RAPGEF4: variants seen among roughly 807,000 people sequenced by gnomAD.
RAPGEF4 encodes the protein Rap guanine nucleotide exchange factor 4.
In RAPGEF4, 66 loss-of-function variants were observed where a neutral mutation model predicts 147.9. The observed-to-expected ratio is 0.45, with a 90% confidence interval of 0.37 to 0.55. The LOEUF (loss-of-function observed/expected upper bound fraction) is 0.55. Among genes scored for constraint, RAPGEF4 ranks in the 20% least tolerant of loss-of-function variants. RAPGEF4 has a pLI of 0.00. For missense variants in RAPGEF4, 1,071 were observed against 1,257.3 expected (o/e 0.85, Z 2.24); for synonymous variants, 419 against 442.7 (o/e 0.95, Z 0.67).
intron 4 of RAPGEF4, among the ~76,000 whole-genome samples, chr2:172,879,476 C>T (rs1284081731): frequency 2.0e-5 from 3 of 152,020 alleles, no homozygotes; most frequent in Non-Finnish European, 4.4e-5. Flanking sequence ...AGTGACGAAG[C>T]GGGACTTTTA....
At chr2:172,918,856 T>G (rs910754510) in intron 5 of RAPGEF4, among the ~76,000 whole-genome samples, 1 of 152,132 alleles carries the variant, frequency 6.6e-6, no homozygotes, top group South Asian at 2.1e-4. Flanking sequence ...ACCCTTCAGA[T>G]CCTCTTCCTG....
At chr2:173,037,903 G>T (rs1684260681) in intron 29 of RAPGEF4, among the ~76,000 whole-genome samples, 1 of 152,122 alleles carries the variant, frequency 6.6e-6, no homozygotes, top group South Asian at 2.1e-4. Context: ...TGTTATTCTA[G>T]TTGTTTCTTG....
chr2:172,980,527 A>G (rs1691566392), intron 10 of RAPGEF4, among the ~76,000 whole-genome samples: 1 of 152,194 alleles, frequency 6.6e-6, no homozygotes, highest in African/African-American at 2.4e-5. Context: ...GAAGGGAGCC[A>G]AGGGGGAGGA....
chr2:172,985,677 T>C (rs1457231975), intron 12 of RAPGEF4, among the ~76,000 whole-genome samples, 184 bp downstream of exon 12: 1 of 152,162 alleles, frequency 6.6e-6, no homozygotes, highest in Non-Finnish European at 1.5e-5. Context: ...TGTCAATTAT[T>C]CTGAAGTATC....
chr2:172,797,420 G>A (rs1326011283), intron 2 of RAPGEF4, 105 bp from the exon 3 acceptor site: 2 of 816,768 alleles, frequency 2.4e-6, no homozygotes, highest in East Asian at 2.7e-5. Flanking sequence ...AGGGTGGTAA[G>A]CTCAGTTAGG....
Position 172,962,645 on chromosome 2 carries a change from T to C in RAPGEF4, c.698+1417T>C, listed in dbSNP as rs566226308. ...GCATGAATATGTTAGAAGACCAAAA[T>C]TGACAGTGTATTACATTTAGATTGG... On this transcript the variant is annotated intron_variant, in intron 8 of 30. Transcript: ENST00000397081. 1.4e-3 allele frequency among the ~76,000 whole-genome samples: 212 copies of C among 152,172 alleles called. 1 individual carries two copies. Among genetic ancestry groups the C allele is most frequent in the Middle Eastern group, 6.8e-3 (2 of 294 alleles).
intron 3 of RAPGEF4, among the ~76,000 whole-genome samples, chr2:172,813,930 A>G (rs1688257207): frequency 6.6e-6 from 1 of 152,230 alleles, no homozygotes; most frequent in Non-Finnish European, 1.5e-5. Context: ...TGAATCTTAC[A>G]GACATTATGT....
chr2:173,011,170 G>GCGCGCGCAAACACACACACA (rs564434178), intron 17 of RAPGEF4, among the ~76,000 whole-genome samples: 1 of 133,500 alleles, frequency 7.5e-6, no homozygotes, highest in African/African-American at 2.9e-5. Flanking sequence ...GCGCGCGCGC[G>GCGCGCGCAAACACACACACA]CACACACACA....
intron 4 of RAPGEF4, among the ~76,000 whole-genome samples, chr2:172,890,862 G>T (rs890474072): frequency 2.0e-5 from 3 of 152,346 alleles, no homozygotes; most frequent in African/African-American, 7.2e-5. Flanking sequence ...AGGTGTGGTG[G>T]CTCACGCCTG....
chr2:173,024,250 C>T (rs1041886673), intron 23 of RAPGEF4, among the ~76,000 whole-genome samples: 1 of 135,384 alleles, frequency 7.4e-6, no homozygotes, highest in Admixed American at 7.9e-5. Flanking sequence ...CGGAGTCTCG[C>T]TCTGTCGCCC....
At chr2:173,044,337 G>A (rs1161224528) in intron 29 of RAPGEF4, among the ~76,000 whole-genome samples, 1 of 152,110 alleles carries the variant, frequency 6.6e-6, no homozygotes, top group Admixed American at 6.5e-5. Context: ...AGCTGGTTTG[G>A]GCTGGTTTCT....
At chr2:172,772,041 C>A (rs1054309834) in intron 1 of RAPGEF4, among the ~76,000 whole-genome samples, 1 of 152,102 alleles carries the variant, frequency 6.6e-6, no homozygotes, top group Non-Finnish European at 1.5e-5. Context: ...GAGTTTGAGA[C>A]CAGCTTGGGA....
chr2:172,918,715 C>T (rs1441487027), intron 5 of RAPGEF4, among the ~76,000 whole-genome samples: 1 of 152,096 alleles, frequency 6.6e-6, no homozygotes, highest in Non-Finnish European at 1.5e-5. Flanking sequence ...CTGTGAGTCT[C>T]CTTATGAAGC....
intron 4 of RAPGEF4, among the ~76,000 whole-genome samples, chr2:172,857,683 A>C (rs780115213): frequency 2.0e-5 from 3 of 152,000 alleles, no homozygotes; most frequent in Non-Finnish European, 4.4e-5. Flanking sequence ...GGAGTTTGAG[A>C]CCAGCCTGCG....
intron 5 of RAPGEF4, among the ~76,000 whole-genome samples, chr2:172,919,386 G>C (rs1684464797): frequency 6.6e-6 from 1 of 152,060 alleles, no homozygotes; most frequent in African/African-American, 2.4e-5. Flanking sequence ...AAAGTTACCA[G>C]TGACCAACCA....
chr2:172,793,447 A>G (rs1454601238), intron 1 of RAPGEF4, among the ~76,000 whole-genome samples: 1 of 152,164 alleles, frequency 6.6e-6, no homozygotes, highest in Admixed American at 6.5e-5. Context: ...AATATATGCT[A>G]GTTTTGTTCT....
rs946045859 is a variant in RAPGEF4 at position 172,960,799 on chromosome 2, A to G, written c.577A>G (p.Asn193Asp). ...ACCTCACGTTCCTCTTCGTCCTGCT[A>G]ACACCATTACCAAGGTAATGGGATG... ...IEPHVPLRPA[N>D]TITKVPSEKI... Residue 193 changes from asparagine (N) to aspartate (D), a missense_variant, in exon 7 of 31, where the codon AAC becomes GAC. Asn to Asp is a conservative substitution (Grantham distance 23). Transcript: ENST00000397081. 1 of 1,607,460 alleles carries G rather than the reference A, an allele frequency of 6.2e-7. No homozygotes were observed. Among genetic ancestry groups the G allele is most frequent in the Non-Finnish European group, 8.5e-7 (1 of 1,176,582 alleles).
intron 4 of RAPGEF4, among the ~76,000 whole-genome samples, chr2:172,874,614 A>G (rs1449924257): frequency 6.6e-6 from 1 of 152,162 alleles, no homozygotes; most frequent in East Asian, 1.9e-4. Context: ...TCCATGGTGT[A>G]TATGTGCCAC....
chr2:172,834,073 T>C (rs1052360722), intron 4 of RAPGEF4, among the ~76,000 whole-genome samples: 2 of 152,148 alleles, frequency 1.3e-5, no homozygotes, highest in East Asian at 1.9e-4. Context: ...CCTTATCTAT[T>C]TGGGGGAAAC....
Sources: allele counts gnomAD v4.1 joint callset (sites outside exome capture counted in the v4.1 genomes callset), GRCh38; gene constraint gnomAD v4.1.1; transcripts MANE v1.5; gene names NCBI Gene and HGNC (gene_info 2026-07-23, HGNC 2026-07-21).